Variants in CEP112 observed in about 807,000 individuals in gnomAD.
CEP112 encodes the protein centrosomal protein 112, also known as centrosomal protein of 112 kDa.
Under a neutral mutation model 153.0 loss-of-function variants are expected in CEP112, and 127 were observed. The ratio of observed to expected loss-of-function variants is 0.83; its 90% confidence interval spans 0.72 to 0.96. The LOEUF (loss-of-function observed/expected upper bound fraction) is 0.96, where lower values mean the gene tolerates loss of function less well. Ranked by LOEUF, CEP112 falls within the 40% of genes least tolerant of loss-of-function variation. The pLI, the probability that CEP112 is intolerant of heterozygous loss-of-function variation, is 0.00. For synonymous variants in CEP112, 358 were observed against 374.4 expected (o/e 0.96, Z 0.51); for missense variants, 1,089 against 1,101.2 (o/e 0.99, Z 0.16).
chr17:65,878,611 G>C (rs1211634535), intron 20 of CEP112, among the ~76,000 whole-genome samples: 1 of 152,132 alleles, frequency 6.6e-6, no homozygotes, highest in Non-Finnish European at 1.5e-5. Context: ...AATGGAACAT[G>C]CTGTGAAAGC....
chr17:66,069,864 T>C (rs963292152), intron 9 of CEP112, 51 bp downstream of exon 9: 11 of 1,029,446 alleles, frequency 1.1e-5, no homozygotes, highest in Non-Finnish European at 1.5e-5. Flanking sequence ...TCATAAAACC[T>C]AGAATATTTT....
chr17:66,071,265 G>A (rs901155289), intron 8 of CEP112, among the ~76,000 whole-genome samples: 1 of 151,946 alleles, frequency 6.6e-6, no homozygotes, highest in African/African-American at 2.4e-5. Context: ...GAAAGAGACA[G>A]TTAACCATTT....
chr17:65,734,416 C>T (rs573694745), intron 23 of CEP112, among the ~76,000 whole-genome samples: 1 of 152,126 alleles, frequency 6.6e-6, no homozygotes, highest in South Asian at 2.1e-4. Context: ...AACTGACAAC[C>T]CCAAAGAGGT....
chr17:65,938,790 T>C lies in CEP112; in HGVS notation c.1873-11101A>G, dbSNP rs78773336. On this transcript the variant is annotated intron_variant, in intron 18 of 26. Coordinates refer to ENST00000535342, the MANE Select transcript of CEP112 (RefSeq NM_001199165.4). ...CATTCAAAAATCATCTGTGTTTCTA[T>C]ACAATAGTAACAAACGATTCAAAAA... Among the ~76,000 whole-genome samples the C allele has an allele frequency of 6.9e-3, 1,050 of 152,196 alleles. 12 individuals are homozygous for C. Among genetic ancestry groups the C allele is most frequent in the African/African-American group, 0.023 (974 of 41,498 alleles).
chr17:65,819,115 C>T (rs1050708254), intron 21 of CEP112, among the ~76,000 whole-genome samples: 6 of 151,886 alleles, frequency 4.0e-5, no homozygotes, highest in African/African-American at 1.2e-4. Context: ...AATTGTGATG[C>T]TTTTTATAAA....
chr17:65,637,097 G>A (rs758716677), intron 26 of CEP112, 27 bp downstream of exon 26: 1 of 1,585,870 alleles, frequency 6.3e-7, no homozygotes, highest in East Asian at 2.2e-5. Context: ...CTAATCAGGA[G>A]ACAAGACACC....
intron 4 of CEP112, among the ~76,000 whole-genome samples, chr17:66,133,296 T>C (rs2070283978): frequency 6.6e-6 from 1 of 152,184 alleles, no homozygotes; most frequent in Admixed American, 6.5e-5. Flanking sequence ...AAGCATATAT[T>C]CTACGGGAAG....
chr17:65,906,849 A>G (rs2060102542), intron 19 of CEP112, among the ~76,000 whole-genome samples: 1 of 152,184 alleles, frequency 6.6e-6, no homozygotes, highest in Non-Finnish European at 1.5e-5. Flanking sequence ...GAGATGGAAT[A>G]TTTTTAGTTC....
intron 16 of CEP112, among the ~76,000 whole-genome samples, chr17:66,015,139 C>G (rs1436575621): frequency 1.3e-5 from 2 of 152,098 alleles, no homozygotes; most frequent in Non-Finnish European, 1.5e-5. Context: ...AAATTAATAC[C>G]TCTGCCCTGT....
chr17:65,774,885 G>T (rs191686885), intron 21 of CEP112, among the ~76,000 whole-genome samples: 19 of 152,310 alleles, frequency 1.2e-4, no homozygotes, highest in Middle Eastern at 6.8e-3. Context: ...AGCAGGAAGG[G>T]TTCAGCGAGG....
intron 1 of CEP112, among the ~76,000 whole-genome samples, chr17:66,183,724 GAC>G (rs1013402751): frequency 6.6e-6 from 1 of 151,708 alleles, no homozygotes; most frequent in African/African-American, 2.4e-5. Context: ...ATGAAGAAAT[GAC>G]AGTTATTACA....
At chr17:65,844,405 G>T (rs551120024) in intron 21 of CEP112, among the ~76,000 whole-genome samples, 3 of 152,188 alleles carry the variant, frequency 2.0e-5, no homozygotes, top group African/African-American at 7.2e-5. Context: ...TAAAAGTTTG[G>T]CTGGGTGCAG....
chr17:65,793,406 G>A (rs1437623210), intron 21 of CEP112, among the ~76,000 whole-genome samples: 2 of 152,108 alleles, frequency 1.3e-5, no homozygotes, highest in Admixed American at 1.3e-4. Context: ...ATACCCAGGT[G>A]ATGGGATGAT....
chr17:65,990,808 T>C (rs750389463), intron 17 of CEP112, among the ~76,000 whole-genome samples: 47 of 152,362 alleles, frequency 3.1e-4, no homozygotes, highest in Middle Eastern at 3.4e-3. Context: ...CCAGAAAGGC[T>C]GAAGGGAATG....
intron 4 of CEP112, among the ~76,000 whole-genome samples, chr17:66,136,938 T>C (rs1281549950): frequency 6.6e-6 from 1 of 152,124 alleles, no homozygotes; most frequent in African/African-American, 2.4e-5. Flanking sequence ...GAGAAGCGGC[T>C]GTTTTTCAAA....
chr17:65,868,505 T>TAA (rs113334221), intron 20 of CEP112, among the ~76,000 whole-genome samples: 73 of 140,708 alleles, frequency 5.2e-4, no homozygotes, highest in African/African-American at 1.6e-3. Flanking sequence ...GTCTCAAAAT[T>TAA]AAAAAAAAAA....
chr17:65,843,283 C>T (rs187572695), intron 21 of CEP112, among the ~76,000 whole-genome samples: 5 of 152,066 alleles, frequency 3.3e-5, no homozygotes, highest in Admixed American at 6.5e-5. Flanking sequence ...CAGGCTATAG[C>T]TTATATATCC....
chr17:65,930,368 G>T (rs1242473417), intron 18 of CEP112, among the ~76,000 whole-genome samples: 1 of 152,108 alleles, frequency 6.6e-6, no homozygotes, highest in Non-Finnish European at 1.5e-5. Context: ...GAAAGGCAAC[G>T]AGTTTCACTG....
chr17:65,902,502 C>T (rs2059911047), intron 19 of CEP112, among the ~76,000 whole-genome samples, 168 bp from the exon 20 acceptor site: 1 of 152,158 alleles, frequency 6.6e-6, no homozygotes, highest in Non-Finnish European at 1.5e-5. Context: ...GGTGGTTATG[C>T]AAACCTCCTA....
Sources: allele counts gnomAD v4.1 joint callset (sites outside exome capture counted in the v4.1 genomes callset), GRCh38; gene constraint gnomAD v4.1.1; transcripts MANE v1.5; gene names NCBI Gene and HGNC (gene_info 2026-07-23, HGNC 2026-07-21).